Variants in CNTN4 observed in about 807,000 individuals in gnomAD.
CNTN4 encodes the protein contactin-4.
CNTN4 carries 77 observed loss-of-function variants against 122.5 expected under a neutral mutation model. The ratio of observed to expected loss-of-function variants is 0.63; its 90% confidence interval spans 0.52 to 0.76. The LOEUF (loss-of-function observed/expected upper bound fraction) is 0.76. Ranked by LOEUF, CNTN4 falls within the 30% of genes least tolerant of loss-of-function variation. The probability of loss-of-function intolerance (pLI) is 0.00; values close to 1 mark genes in which losing one functional copy is unlikely to be tolerated. For synonymous variants in CNTN4, 512 were observed against 447.0 expected, an observed-to-expected ratio of 1.15 and a Z score of -1.83; for missense variants, 1,256 against 1,259.1, an observed-to-expected ratio of 1.00 and a Z score of 0.04.
At chr3:2,103,558 C>G (rs1001563314) in intron 2 of CNTN4, among the ~76,000 whole-genome samples, 1 of 152,164 alleles carries the variant, frequency 6.6e-6, no homozygotes, top group Non-Finnish European at 1.5e-5. Flanking sequence ...ATAAATTCCT[C>G]TTCACTTCTC....
intron 4 of CNTN4, among the ~76,000 whole-genome samples, chr3:2,648,723 ACAT>A (rs1462233525): frequency 6.6e-6 from 1 of 152,202 alleles, no homozygotes; most frequent in Non-Finnish European, 1.5e-5. Flanking sequence ...GAAGAAGCGT[ACAT>A]CTTTCACTTT....
intron 3 of CNTN4, among the ~76,000 whole-genome samples, chr3:2,483,048 A>G (rs1377729168): frequency 1.3e-5 from 2 of 152,140 alleles, no homozygotes; most frequent in African/African-American, 4.8e-5. Context: ...GTGCACCTGG[A>G]AAAGCCACAG....
intron 2 of CNTN4, among the ~76,000 whole-genome samples, chr3:2,287,656 A>G (rs1312686589): frequency 0.016 from 397 of 24,560 alleles, 6 homozygotes; most frequent in Middle Eastern, 0.029. Context: ...GAAGAAGAAG[A>G]AGAAGAAGAA....
chr3:2,901,909 G>A (rs1159796403), intron 11 of CNTN4, among the ~76,000 whole-genome samples: 1 of 152,158 alleles, frequency 6.6e-6, no homozygotes, highest in Non-Finnish European at 1.5e-5. Flanking sequence ...TAGTGAATTT[G>A]AGTCCCTTGC....
At chr3:2,733,555 A>G (rs1235716091) in intron 4 of CNTN4, among the ~76,000 whole-genome samples, 10 of 107,290 alleles carry the variant, frequency 9.3e-5, no homozygotes, top group East Asian at 2.2e-4. Flanking sequence ...TTTTTTTGAG[A>G]CAGAGTCTCA....
intron 8 of CNTN4, among the ~76,000 whole-genome samples, chr3:2,872,131 TCA>T (rs1426197369): frequency 1.3e-4 from 3 of 23,754 alleles, no homozygotes; most frequent in African/African-American, 1.0e-3. Context: ...TGCACAGATC[TCA>T]AAGAGTTATC....
At chr3:2,914,843 T>TAA (rs74671216) in intron 12 of CNTN4, among the ~76,000 whole-genome samples, 63,566 of 151,802 alleles carry the variant, frequency 0.42, 13,610 homozygotes, top group East Asian at 0.64. Flanking sequence ...CTACAGACCA[T>TAA]AACCCTGATG....
intron 4 of CNTN4, among the ~76,000 whole-genome samples, chr3:2,617,580 C>A (rs189679420): frequency 1.5e-3 from 228 of 152,042 alleles, no homozygotes; most frequent in African/African-American, 5.3e-3. Context: ...GCCACCATGA[C>A]CAGCTAATTT....
At chr3:2,204,325 A>G (rs1035394788) in intron 2 of CNTN4, among the ~76,000 whole-genome samples, 1 of 152,226 alleles carries the variant, frequency 6.6e-6, no homozygotes, top group Admixed American at 6.5e-5. Context: ...CAATGAATTA[A>G]TTCCTTTGAA....
intron 3 of CNTN4, among the ~76,000 whole-genome samples, chr3:2,429,355 C>G (rs1177905625): frequency 6.6e-6 from 1 of 152,150 alleles, no homozygotes; most frequent in Non-Finnish European, 1.5e-5. Flanking sequence ...CACTCCAGAC[C>G]CTGTTTGCCT....
intron 4 of CNTN4, among the ~76,000 whole-genome samples, chr3:2,579,374 C>A (rs976902977): frequency 6.6e-6 from 1 of 152,104 alleles, no homozygotes; most frequent in African/African-American, 2.4e-5. Flanking sequence ...TTGAGGATGA[C>A]GGGAGCAGGA....
intron 2 of CNTN4, among the ~76,000 whole-genome samples, chr3:2,233,760 T>C (rs1487418236): frequency 6.6e-6 from 1 of 152,114 alleles, no homozygotes; most frequent in Non-Finnish European, 1.5e-5. Context: ...TCCTCTAATT[T>C]TGTGGATGAA....
chr3:2,315,538 C>A (rs973042554), intron 2 of CNTN4, among the ~76,000 whole-genome samples: 5 of 151,522 alleles, frequency 3.3e-5, no homozygotes, highest in African/African-American at 1.2e-4. Flanking sequence ...ATGCTTTTTG[C>A]TTTTTTCTAT....
chr3:2,762,919 A>G (rs938175703), intron 6 of CNTN4, among the ~76,000 whole-genome samples: 1 of 144,740 alleles, frequency 6.9e-6, no homozygotes, highest in African/African-American at 2.6e-5. Flanking sequence ...CATTTTTCTA[A>G]TGATCAGTGA....
At chr3:2,962,493 AAC>A (rs1352984218) in intron 13 of CNTN4, among the ~76,000 whole-genome samples, 1 of 152,234 alleles carries the variant, frequency 6.6e-6, no homozygotes, top group Non-Finnish European at 1.5e-5. Flanking sequence ...GGACTTAGAA[AAC>A]CCCTGGAAGA....
chr3:2,704,166 A>G (rs1441956895), intron 4 of CNTN4, among the ~76,000 whole-genome samples: 1 of 151,592 alleles, frequency 6.6e-6, no homozygotes, highest in East Asian at 1.9e-4. Context: ...GTGTGGTGGC[A>G]TACACCTGTA....
intron 3 of CNTN4, among the ~76,000 whole-genome samples, chr3:2,525,779 G>T (rs900291693): frequency 6.6e-6 from 1 of 152,138 alleles, no homozygotes; most frequent in Admixed American, 6.6e-5. Context: ...GAATATTGCA[G>T]ATAAACTGAG....
rs539525730 is a variant in CNTN4, at chr3:2,366,737, A to AT, written c.-89+27504_-89+27505insT. ...GCGAGACTCTGTCTCAAAAAAAAAA[A>AT]AATAATAATAGTAATAATAATAATA... On this transcript the variant is annotated intron_variant, in intron 3 of 24. Transcript: ENST00000418658. Among the ~76,000 whole-genome samples the AT allele has an allele frequency of 7.0e-4, 105 of 149,958 alleles. No homozygotes were observed. In the South Asian group the frequency reaches 7.1e-3, roughly 10 times the overall value.
rs137978729 is a variant in CNTN4, at chr3:2,825,359, G to C, written c.454+5778G>C. On this transcript the variant is annotated intron_variant, in intron 7 of 24. Coordinates refer to ENST00000418658, the MANE Select transcript of CNTN4 (RefSeq NM_175607.3). The stretch of plus-strand genomic sequence containing the variant: ...CCACCTCAGCCTACCGAGTATCTGG[G>C]ACTACAGGCACATGCCACCATGCCC... 4.8e-3 allele frequency among the ~76,000 whole-genome samples: 724 copies of C among 152,156 alleles called. 7 individuals carry two copies. The highest frequency in any genetic ancestry group is 0.017 in the African/African-American group (698 of 41,506).
Sources: gnomAD v4.1 joint callset for allele counts (sites outside exome capture counted in the v4.1 genomes callset) on GRCh38, gnomAD v4.1.1 for gene constraint, MANE v1.5 for transcripts, NCBI Gene and HGNC (gene_info 2026-07-23, HGNC 2026-07-21) for gene names.